Variants in ZFPL1 observed in about 807,000 individuals in gnomAD.
The protein encoded by ZFPL1 is zinc finger protein-like 1.
ZFPL1 carries 28 observed loss-of-function variants against 32.0 expected under a neutral mutation model. That is an observed-to-expected ratio of 0.87 (90% CI 0.65 to 1.20). ZFPL1 has a LOEUF of 1.20. Among genes scored for constraint, ZFPL1 ranks in the 50% most tolerant of loss-of-function variants. The pLI is 0.00. For missense variants in ZFPL1, 386 were observed against 424.8 expected, an observed-to-expected ratio of 0.91 and a Z score of 0.80; for synonymous variants, 165 against 177.0, an observed-to-expected ratio of 0.93 and a Z score of 0.54.
At chr11:65,084,997 G>GCCC (rs1947659761) in intron 2 of ZFPL1, 118 bp from the exon 3 acceptor site, 1 of 1,123,212 alleles carries the variant, frequency 8.9e-7, no homozygotes, top group Non-Finnish European at 1.3e-6. Context: ...AATATTTATT[G>GCCC]ATTAAACAAA....
intron 7 of ZFPL1, chr11:65,087,709 CCGA>C (rs1590805479): frequency 1.6e-6 from 1 of 627,068 alleles, no homozygotes; most frequent in East Asian, 2.7e-5. Flanking sequence ...GTAATTCTCC[CCGA>C]CGTCTGACAC....
chr11:65,085,995 G>GGCCGTATCA, intron 3 of ZFPL1: 4 of 197,498 alleles, frequency 2.0e-5, no homozygotes, highest in South Asian at 7.9e-5. Context: ...TGCCACTTGT[G>GGCCGTATCA]TTTGATTATG....
At chr11:65,084,871 A>G (rs748979854) in intron 2 of ZFPL1, 71 bp downstream of exon 2, 49 of 1,559,270 alleles carry the variant, frequency 3.1e-5, no homozygotes, top group Non-Finnish European at 3.7e-5. Context: ...CTCCAAATCC[A>G]TGAGGGGCCC....
At chr11:65,084,932 A>C (rs753474062) in intron 2 of ZFPL1, 132 bp downstream of exon 2, 2 of 1,157,084 alleles carry the variant, frequency 1.7e-6, no homozygotes, top group South Asian at 2.5e-5. Context: ...TATTTTGTTC[A>C]CTGATATATC....
intron 2 of ZFPL1, 111 bp from the exon 3 acceptor site, chr11:65,085,000 TAAAC>T: frequency 8.8e-7 from 1 of 1,137,312 alleles, no homozygotes; most frequent in African/African-American, 1.5e-5. Context: ...ATTTATTGAT[TAAAC>T]AAACGAAAGG....
At position 65,087,384 on chromosome 11, in the gene ZFPL1, G is replaced by A. The variant is rs958760246; in HGVS notation, c.697G>A (p.Asp233Asn). ...TPGLHGDCDD[D>N]KYRRRPALGW... The stretch of plus-strand genomic sequence containing the variant: ...AGGCCTCCATGGAGACTGTGACGAT[G>A]ACAAGTACCGACGTCGGCCGGCCTT... Residue 233 changes from aspartate to asparagine, a missense_variant, in exon 7 of 8, where the codon GAC becomes AAC. By Grantham distance (23) the Asp-to-Asn change is conservative. Transcript: ENST00000294258. 6.2e-7 allele frequency: 1 copy of A among 1,614,008 alleles called. No individual in the cohort carries two copies. Among genetic ancestry groups the A allele is most frequent in the African/African-American group, 1.3e-5 (1 of 74,898 alleles).
chr11:65,088,214 C>A lies in ZFPL1; in HGVS notation c.*100C>A. ...GGGCACCTCTTCACTGCCCCTCTCCCTCAAGCCTAAGACACTAAGACCCCA... is the reference window on the plus strand; with the variant it reads ...GGGCACCTCTTCACTGCCCCTCTCCATCAAGCCTAAGACACTAAGACCCCA... On this transcript the variant is annotated 3_prime_UTR_variant, in exon 8 of 8. Transcript: ENST00000294258. The A allele has an allele frequency of 7.0e-7, 1 of 1,431,988 alleles. No homozygotes were observed. The highest frequency in any genetic ancestry group is 9.5e-7 in the Non-Finnish European group (1 of 1,051,958). 88.7% of individuals were successfully genotyped at this position (1,431,988 alleles called of 1,614,324 possible).
At chr11:65,087,501 G>T in intron 7 of ZFPL1, 68 bp downstream of exon 7, 2 of 1,471,106 alleles carry the variant, frequency 1.4e-6, no homozygotes, top group Non-Finnish European at 1.9e-6. Flanking sequence ...AGAGGTCCTG[G>T]AAGGGATGGT....
intron 3 of ZFPL1, chr11:65,085,629 C>G (rs1947670190): frequency 3.8e-6 from 1 of 262,924 alleles, no homozygotes; most frequent in African/African-American, 2.2e-5. Context: ...TTAAAGTTAG[C>G]TAAAAGAAGT....
In ZFPL1 at chr11:65,086,460, C is replaced by A; in HGVS notation, c.260C>A (p.Pro87His). The change falls in exon 4 of 8, where the codon CCC (proline) becomes CAC (histidine). Residue 87 changes from proline to histidine, a missense_variant. Transcript: ENST00000294258. The stretch of plus-strand genomic sequence containing the variant: ...CTCAATGAACGTGCTGCCCAGCTAC[C>A]CCGAAACACGGCACCTGCCGGCTAT... ...ACLNERAAQL[P>H]RNTAPAGYQC... 1.2e-6 allele frequency: 2 copies of A among 1,614,100 alleles called. No individual in the cohort carries two copies. Among genetic ancestry groups the A allele is most frequent in the Non-Finnish European group, 1.7e-6 (2 of 1,180,028 alleles).
Position 65,085,240 on chromosome 11 carries a change from A to G in ZFPL1, c.214+14A>G, listed in dbSNP as rs771841416. 1 of 1,612,272 alleles carries G rather than the reference A, an allele frequency of 6.2e-7. No individual in the cohort carries two copies. Among genetic ancestry groups the G allele is most frequent in the Admixed American group, 1.7e-5 (1 of 60,008 alleles). On this transcript the variant is annotated intron_variant, in intron 3 of 7. Coordinates refer to ENST00000294258, the MANE Select transcript of ZFPL1 (RefSeq NM_006782.4). ...TTGTCTGCTATGGTGAGGCCTTGGC[A>G]CCTCGGGGGGATCAGGCCAGCCTCA...
Position 65,084,370 on chromosome 11 carries a change from G to C in ZFPL1, c.-17G>C, listed in dbSNP as rs568862777. ...GTGCAGCGGCCGATCAGTAAACACA[G>C]AGACTGGGGTCTGTAGAGAAGGGGC... On this transcript the variant is annotated 5_prime_UTR_variant, in exon 1 of 8. Transcript: ENST00000294258. 201 of 475,726 alleles carry C rather than the reference G, an allele frequency of 4.2e-4. No homozygotes were observed. Among genetic ancestry groups the C allele is most frequent in the African/African-American group, 3.8e-3 (189 of 50,026 alleles). The allele number at this position is 475,726 out of a possible 1,614,324, so 29.5% of individuals were successfully genotyped here.
At chr11:65,084,442 C>A (rs1446154998) in intron 1 of ZFPL1, 64 bp downstream of exon 1, 2 of 539,808 alleles carry the variant, frequency 3.7e-6, no homozygotes, top group Admixed American at 7.2e-5. Context: ...GGGGCGGGGC[C>A]GGTAGTATCG....
rs529351852 is a variant in ZFPL1, at chr11:65,084,291, G to T, written c.-96G>T. The T allele has an allele frequency of 8.8e-5, 48 of 544,056 alleles. No individual in the cohort carries two copies. Among genetic ancestry groups the T allele is most frequent in the African/African-American group, 7.5e-4 (39 of 52,052 alleles). The allele number at this position is 544,056 out of a possible 1,614,324, so 33.7% of individuals were successfully genotyped here. A position where few individuals can be genotyped will look rare whatever the true frequency, so the allele number is the denominator to read the frequency against. On this transcript the variant is annotated 5_prime_UTR_variant, in exon 1 of 8. Transcript: ENST00000294258. ...GGGAGAGGCGCAGGAGCCCTGGGGAGAGTGGTCCCTGCCCTTCCGCGCCTC... is the reference window on the plus strand; with the variant it reads ...GGGAGAGGCGCAGGAGCCCTGGGGATAGTGGTCCCTGCCCTTCCGCGCCTC...
chr11:65,087,240 G>A (rs190876077), intron 6 of ZFPL1, 76 bp from the exon 7 acceptor site: 14 of 1,567,094 alleles, frequency 8.9e-6, no homozygotes, highest in Middle Eastern at 1.7e-4. Context: ...ACTGAGGAGA[G>A]CAGGTGATCC....
intron 5 of ZFPL1, 44 bp from the exon 6 acceptor site, chr11:65,086,884 G>A (rs541397295): frequency 6.2e-7 from 1 of 1,613,292 alleles, no homozygotes; most frequent in African/African-American, 1.3e-5. Flanking sequence ...CTACCCCTGA[G>A]CTCTATGCAC....
In ZFPL1 at chr11:65,085,418, T is replaced by C. The variant is rs969333670; in HGVS notation, c.214+192T>C. On this transcript the variant is annotated intron_variant, in intron 3 of 7. Transcript: ENST00000294258. ...TTCTTCCTTTCTAGGCCTCACTGTCTTTCCTAAAAATTAAAGCTCCTAGTT... is the reference window on the plus strand; with the variant it reads ...TTCTTCCTTTCTAGGCCTCACTGTCCTTCCTAAAAATTAAAGCTCCTAGTT... 11 of 608,038 alleles carry C rather than the reference T, an allele frequency of 1.8e-5. No homozygotes were observed. In the African/African-American group the frequency reaches 2.0e-4, roughly 11 times the overall value. 37.7% of individuals were successfully genotyped at this position (608,038 alleles called of 1,614,324 possible). A position where few individuals can be genotyped will look rare whatever the true frequency, so the allele number is the denominator to read the frequency against.
intron 6 of ZFPL1, 25 bp downstream of exon 6, chr11:65,087,099 G>A (rs755293678): frequency 2.1e-5 from 33 of 1,602,454 alleles, no homozygotes; most frequent in Middle Eastern, 3.3e-4. Flanking sequence ...TATCCAGGCC[G>A]CAGAAGGATA....
At position 65,087,035 on chromosome 11, in the gene ZFPL1, A is replaced by G; in HGVS notation, c.589A>G (p.Thr197Ala). 2 of 1,613,890 alleles carry G rather than the reference A, an allele frequency of 1.2e-6. No homozygotes were observed. Among genetic ancestry groups the G allele is most frequent in the African/African-American group, 2.7e-5 (2 of 75,024 alleles). Residue 197 changes from threonine to alanine, a missense_variant, in exon 6 of 8, where the codon ACA becomes GCA. Thr to Ala is a moderately conservative substitution (Grantham distance 58). Coordinates refer to ENST00000294258, the MANE Select transcript of ZFPL1 (RefSeq NM_006782.4). ...TTCCCCAGGCCGGCCCGAGCAGCAC[A>G]CAGTGATCCACATGGGCAATCCTGA... ...PASPGRPEQH[T>A]VIHMGNPEPL...
Sources: gnomAD v4.1 joint callset for allele counts on GRCh38, gnomAD v4.1.1 for gene constraint, MANE v1.5 for transcripts, NCBI Gene and HGNC (gene_info 2026-07-23, HGNC 2026-07-21) for gene names.